The following PDIA5 variants were observed in gnomAD, a reference collection of about 807,000 sequenced individuals.
The protein encoded by PDIA5 is protein disulfide-isomerase A5.
In PDIA5, 58 loss-of-function variants were observed where a neutral mutation model predicts 77.6. The ratio of observed to expected loss-of-function variants is 0.75; its 90% CI spans 0.61 to 0.93. The LOEUF is 0.93. Ranked by LOEUF, PDIA5 falls within the 40% of genes least tolerant of loss-of-function variation. The pLI is 0.00. For synonymous variants in PDIA5, 250 were observed against 252.1 expected (o/e 0.99, Z 0.08); for missense variants, 630 against 647.7 (o/e 0.97, Z 0.30).
Position 123,161,429 on chromosome 3 carries a change from G to A in PDIA5, c.1453G>A (p.Ala485Thr), listed in dbSNP as rs143043425. 2.5e-5 allele frequency: 40 copies of A among 1,613,978 alleles called. No individual in the cohort carries two copies. Among genetic ancestry groups the A allele is most frequent in the South Asian group, 1.5e-4 (14 of 91,084 alleles). The change falls in exon 16 of 17, where the codon GCA becomes ACA. Residue 485 changes from alanine to threonine, a missense_variant. Ala to Thr is a moderately conservative substitution (Grantham distance 58). Coordinates refer to ENST00000316218, the MANE Select transcript of PDIA5 (RefSeq NM_006810.4). ...CCACTACTACCACTATGGGAAGTTC[G>A]CAGAAAAGTATGACAGCGACCGCAC... ...TFHYYHYGKF[A>T]EKYDSDRTEL... is the part of the protein sequence containing the mutation.
Position 123,067,256 on chromosome 3 carries a change from G to C in PDIA5, c.42+50G>C, listed in dbSNP as rs573711632. ...GGCCGGGCCAGCACGTGTGTCCCGC[G>C]TGCCCTTCTGCGCTCTCTGCTCCAG... On this transcript the variant is annotated intron_variant, in intron 1 of 16. Transcript: ENST00000316218. 46 of 1,220,008 alleles carry C rather than the reference G, an allele frequency of 3.8e-5. No individual in the cohort carries two copies. In the African/African-American group the frequency reaches 6.5e-4, roughly 17 times the overall value. The allele number at this position is 1,220,008 out of a possible 1,614,324, so 75.6% of individuals were successfully genotyped here. A position where few individuals can be genotyped will look rare whatever the true frequency, so the allele number is the denominator to read the frequency against.
chr3:123,075,813 T>C (rs1933841240), intron 1 of PDIA5, among the ~76,000 whole-genome samples: 2 of 143,838 alleles, frequency 1.4e-5, no homozygotes, highest in South Asian at 4.5e-4. Context: ...CCCAGGAATC[T>C]GTATTCCCAG....
At chr3:123,094,015 G>T (rs1317483371) in intron 3 of PDIA5, among the ~76,000 whole-genome samples, 2 of 152,214 alleles carry the variant, frequency 1.3e-5, no homozygotes, top group Non-Finnish European at 2.9e-5. Flanking sequence ...AGGAGTAGTG[G>T]CTGAAGACAG....
At chr3:123,135,081 T>C (rs1935466310) in intron 11 of PDIA5, among the ~76,000 whole-genome samples, 1 of 152,148 alleles carries the variant, frequency 6.6e-6, no homozygotes. Flanking sequence ...AGGAGGACAG[T>C]GGCTGCTGCC....
rs1224136815 is a variant in PDIA5 at position 123,106,826 on chromosome 3, C to A, written c.465C>A (p.His155Gln). ...EEDPGAKDVV[H>Q]LDSEKDFRRL... ...ATCCTGGAGCCAAAGATGTTGTCCA[C>A]CTTGACAGTGAAAAGGTAATGTATT... Residue 155 changes from histidine to glutamine, a missense_variant, in exon 6 of 17, where the codon CAC (histidine) becomes CAA (glutamine). Coordinates refer to ENST00000316218, the MANE Select transcript of PDIA5 (RefSeq NM_006810.4). 5 of 1,610,122 alleles carry A rather than the reference C, an allele frequency of 3.1e-6. No homozygotes were observed. The highest frequency in any genetic ancestry group is 4.2e-6 in the Non-Finnish European group (5 of 1,177,462).
chr3:123,139,883 G>GC (rs909700283), intron 11 of PDIA5, among the ~76,000 whole-genome samples: 1 of 152,196 alleles, frequency 6.6e-6, no homozygotes, highest in Non-Finnish European at 1.5e-5. Flanking sequence ...AGACAGCCGA[G>GC]CCCCTGCCTG....
intron 11 of PDIA5, among the ~76,000 whole-genome samples, chr3:123,138,959 T>G (rs751668539): frequency 2.0e-5 from 3 of 152,164 alleles, no homozygotes; most frequent in Non-Finnish European, 2.9e-5. Context: ...ATAGCTGGCC[T>G]GTAGTAAAAT....
rs191551173 is a variant in PDIA5 at position 123,132,176 on chromosome 3, C to T, written c.910+1560C>T. 1.2e-4 allele frequency among the ~76,000 whole-genome samples: 18 copies of T among 152,242 alleles called. No individual in the cohort carries two copies. In the East Asian group the frequency reaches 3.5e-3, roughly 29 times the overall value. On this transcript the variant is annotated intron_variant, in intron 11 of 16. Transcript: ENST00000316218. Reference sequence around the variant, plus strand: ...TCACACAGAGAAATGACATAGACCACCCACGGCTCCGTGAGTCCTGAGCTG... The same window carrying T: ...TCACACAGAGAAATGACATAGACCATCCACGGCTCCGTGAGTCCTGAGCTG...
intron 11 of PDIA5, among the ~76,000 whole-genome samples, chr3:123,143,122 C>G (rs945330404): frequency 3.3e-5 from 5 of 151,650 alleles, no homozygotes; most frequent in African/African-American, 1.2e-4. Context: ...CATGGTGGCT[C>G]ACACCTGTAA....
intron 8 of PDIA5, among the ~76,000 whole-genome samples, chr3:123,117,121 T>A (rs1274555119): frequency 6.6e-6 from 1 of 151,864 alleles, no homozygotes; most frequent in African/African-American, 2.4e-5. Flanking sequence ...CCTGCCAGGT[T>A]TTTTTGTTCT....
At chr3:123,095,958 C>T (rs962257954) in intron 3 of PDIA5, among the ~76,000 whole-genome samples, 1 of 152,054 alleles carries the variant, frequency 6.6e-6, no homozygotes, top group African/African-American at 2.4e-5. Context: ...TAGCCTGGTT[C>T]AGAAAATGCT....
At chr3:123,157,533 C>G (rs1052517702) in intron 15 of PDIA5, among the ~76,000 whole-genome samples, 1 of 152,186 alleles carries the variant, frequency 6.6e-6, no homozygotes, top group Non-Finnish European at 1.5e-5. Context: ...AACTGGGTCT[C>G]CTGACACCCC....
chr3:123,111,943 C>G (rs1262189689), intron 7 of PDIA5, among the ~76,000 whole-genome samples: 1 of 152,090 alleles, frequency 6.6e-6, no homozygotes, highest in African/African-American at 2.4e-5. Flanking sequence ...CAAATTATGG[C>G]CCACGGGCCA....
chr3:123,102,822 C>T (rs747377591), intron 5 of PDIA5, 26 bp downstream of exon 5: 2 of 1,537,382 alleles, frequency 1.3e-6, no homozygotes, highest in East Asian at 4.5e-5. Flanking sequence ...TTGTTCTCAG[C>T]AATGGTGGAG....
chr3:123,123,183 C>T (rs368916912), intron 8 of PDIA5, among the ~76,000 whole-genome samples: 42 of 152,106 alleles, frequency 2.8e-4, no homozygotes, highest in East Asian at 2.7e-3. Context: ...AGGCTGACAG[C>T]GGAGGATTGC....
intron 8 of PDIA5, among the ~76,000 whole-genome samples, chr3:123,118,171 G>A (rs1332592192): frequency 1.3e-5 from 2 of 152,170 alleles, no homozygotes; most frequent in Admixed American, 6.5e-5. Flanking sequence ...CTCATTCTGG[G>A]GTGACACTGA....
At chr3:123,137,835 G>A (rs1400775200) in intron 11 of PDIA5, among the ~76,000 whole-genome samples, 1 of 152,068 alleles carries the variant, frequency 6.6e-6, no homozygotes, top group Non-Finnish European at 1.5e-5. Context: ...GGGTTGTTTA[G>A]GAAATTCTCC....
intron 11 of PDIA5, among the ~76,000 whole-genome samples, chr3:123,143,245 C>T (rs1289636758): frequency 2.6e-5 from 4 of 151,842 alleles, no homozygotes; most frequent in Non-Finnish European, 2.9e-5. Flanking sequence ...ATTAGCTGGG[C>T]GTGGTGGCAC....
At chr3:123,121,096 C>A (rs1170484218) in intron 8 of PDIA5, among the ~76,000 whole-genome samples, 1 of 152,244 alleles carries the variant, frequency 6.6e-6, no homozygotes, top group Non-Finnish European at 1.5e-5. Flanking sequence ...TCCTGGCCAA[C>A]TCACTCAGCC....
Sources: gnomAD v4.1 joint callset for allele counts (sites outside exome capture counted in the v4.1 genomes callset) on GRCh38, gnomAD v4.1.1 for gene constraint, MANE v1.5 for transcripts, NCBI Gene and HGNC (gene_info 2026-07-23, HGNC 2026-07-21) for gene names.